MALRD1: variants seen among roughly 807,000 people sequenced by gnomAD.
The protein encoded by MALRD1 is MAM and LDL-receptor class A domain-containing protein 1.
MALRD1 carries 247 observed loss-of-function variants against 242.1 expected under a neutral mutation model. The observed-to-expected ratio is 1.02, with a 90% confidence interval of 0.92 to 1.13. The LOEUF is 1.13. Among genes scored for constraint, MALRD1 ranks in the 50% most tolerant of loss-of-function variants. The pLI, the probability that MALRD1 is intolerant of heterozygous loss-of-function variation, is 0.00. For synonymous variants in MALRD1, 995 were observed against 866.6 expected (o/e 1.15, Z -2.60); for missense variants, 2,989 against 2,533.1 (o/e 1.18, Z -3.86).
intron 32 of MALRD1, among the ~76,000 whole-genome samples, chr10:19,533,534 C>T (rs998841869): frequency 6.6e-5 from 10 of 152,144 alleles, no homozygotes; most frequent in African/African-American, 2.4e-4. Context: ...CATAGTTCTA[C>T]AGGCTGTACA....
At chr10:19,123,668 T>C in intron 6 of MALRD1, 75 bp downstream of exon 6, 3 of 823,104 alleles carry the variant, frequency 3.6e-6, no homozygotes, top group Non-Finnish European at 4.9e-6. Flanking sequence ...CACAGGAAAG[T>C]GCACGCGCCA....
Position 19,165,266 on chromosome 10 carries a change from T to TA in MALRD1, c.1657-371_1657-370insA, listed in dbSNP as rs1554801500. On this transcript the variant is annotated intron_variant, in intron 12 of 39. Transcript: ENST00000454679. ...GAATATATATATATATATATATATA[T>TA]TTTGTTTTGTTTTGTTTTTGTTTTG... Among the ~76,000 whole-genome samples, 139 of 116,272 alleles carry TA rather than the reference T, an allele frequency of 1.2e-3. 11 individuals are homozygous for TA. Among genetic ancestry groups the TA allele is most frequent in the African/African-American group, 3.5e-3 (97 of 27,408 alleles). 76.3% of individuals were successfully genotyped at this position (116,272 alleles called of 152,430 possible). A position where few individuals can be genotyped will look rare whatever the true frequency, so the allele number is the denominator to read the frequency against.
At chr10:19,411,604 T>G (rs770159098) in intron 28 of MALRD1, among the ~76,000 whole-genome samples, 2 of 152,166 alleles carry the variant, frequency 1.3e-5, no homozygotes, top group Non-Finnish European at 2.9e-5. Context: ...AGTAAGTGGT[T>G]GAGCTGGAGT....
chr10:19,189,196 T>C (rs1275954505), intron 14 of MALRD1, among the ~76,000 whole-genome samples: 1 of 151,932 alleles, frequency 6.6e-6, no homozygotes, highest in African/African-American at 2.4e-5. Context: ...TGCCACAAAA[T>C]TGGATAACTT....
chr10:19,294,629 T>A (rs1841605304), intron 21 of MALRD1, among the ~76,000 whole-genome samples: 1 of 152,164 alleles, frequency 6.6e-6, no homozygotes, highest in Non-Finnish European at 1.5e-5. Context: ...TAACGACCTG[T>A]CAGGACTGTG....
intron 26 of MALRD1, among the ~76,000 whole-genome samples, chr10:19,385,322 G>A (rs1846030090): frequency 6.6e-6 from 1 of 151,870 alleles, no homozygotes; most frequent in Non-Finnish European, 1.5e-5. Context: ...AGGATTAATG[G>A]CAATTCTTCT....
At chr10:19,538,313 T>C (rs1277919084) in intron 32 of MALRD1, among the ~76,000 whole-genome samples, 1 of 152,184 alleles carries the variant, frequency 6.6e-6, no homozygotes, top group Non-Finnish European at 1.5e-5. Flanking sequence ...TGGGCATCAA[T>C]ATCCTTCAAT....
At chr10:19,373,183 A>G (rs1845455390) in intron 26 of MALRD1, among the ~76,000 whole-genome samples, 1 of 143,516 alleles carries the variant, frequency 7.0e-6, no homozygotes, top group Non-Finnish European at 1.5e-5. Context: ...TCCTCCTTGC[A>G]TTTCAGCAAA....
chr10:19,134,026 G>A, intron 9 of MALRD1, 78 bp downstream of exon 9: 1 of 622,680 alleles, frequency 1.6e-6, no homozygotes, highest in Non-Finnish European at 2.3e-6. Context: ...ACCATGCACT[G>A]CTAAAGTTAA....
At chr10:19,591,633 G>A (rs775235634) in intron 33 of MALRD1, among the ~76,000 whole-genome samples, 1 of 151,890 alleles carries the variant, frequency 6.6e-6, no homozygotes, top group African/African-American at 2.4e-5. Flanking sequence ...TGAGTTGCTG[G>A]GATTACGGGC....
intron 29 of MALRD1, among the ~76,000 whole-genome samples, chr10:19,455,230 G>C (rs1363976757): frequency 6.6e-6 from 1 of 152,152 alleles, no homozygotes; most frequent in African/African-American, 2.4e-5. Flanking sequence ...AAAGAAGTAG[G>C]AAGACAATTC....
chr10:19,513,515 G>C (rs754016968), intron 31 of MALRD1, among the ~76,000 whole-genome samples: 2 of 151,442 alleles, frequency 1.3e-5, no homozygotes, highest in African/African-American at 4.9e-5. Context: ...CGAGGCGGGC[G>C]GATCACGAGG....
chr10:19,502,993 G>A (rs972882562), intron 31 of MALRD1, among the ~76,000 whole-genome samples: 3 of 152,002 alleles, frequency 2.0e-5, no homozygotes, highest in African/African-American at 7.3e-5. Context: ...AAGATCACAT[G>A]AAAAGTTTTG....
intron 21 of MALRD1, among the ~76,000 whole-genome samples, chr10:19,312,412 G>GTA (rs1411793690): frequency 4.8e-5 from 7 of 146,636 alleles, no homozygotes; most frequent in African/African-American, 1.5e-4. Context: ...GTGTATATGT[G>GTA]TGTGTGTGTG....
intron 21 of MALRD1, among the ~76,000 whole-genome samples, chr10:19,303,159 A>G (rs1842024141): frequency 6.6e-6 from 1 of 151,752 alleles, no homozygotes; most frequent in South Asian, 2.1e-4. Flanking sequence ...CATGTTAAAT[A>G]AAAGGATTCA....
At chr10:19,714,185 A>C (rs1362066392) in intron 38 of MALRD1, among the ~76,000 whole-genome samples, 2 of 152,136 alleles carry the variant, frequency 1.3e-5, no homozygotes, top group African/African-American at 2.4e-5. Context: ...GTACTGGAAA[A>C]ATTGGATCAC....
At chr10:19,203,173 G>A (rs868571600) in intron 14 of MALRD1, among the ~76,000 whole-genome samples, 5 of 138,932 alleles carry the variant, frequency 3.6e-5, no homozygotes, top group African/African-American at 1.1e-4. Context: ...ATTTATCTGC[G>A]TATTTATCTG....
chr10:19,598,651 A>G (rs1589289029), intron 34 of MALRD1, among the ~76,000 whole-genome samples: 1 of 152,046 alleles, frequency 6.6e-6, no homozygotes, highest in Admixed American at 6.6e-5. Context: ...AAAGGTTCAG[A>G]ATGTGTTTGG....
intron 36 of MALRD1, among the ~76,000 whole-genome samples, chr10:19,627,179 T>C (rs1839689660): frequency 6.6e-6 from 1 of 152,242 alleles, no homozygotes; most frequent in East Asian, 1.9e-4. Context: ...ATTATTGACA[T>C]AACACACAGG....
Sources: allele counts gnomAD v4.1 joint callset (sites outside exome capture counted in the v4.1 genomes callset), GRCh38; gene constraint gnomAD v4.1.1; transcripts MANE v1.5; gene names NCBI Gene and HGNC (gene_info 2026-07-23, HGNC 2026-07-21).